TPST2: variants seen among roughly 807,000 people sequenced by gnomAD.
The protein encoded by TPST2 is tyrosylprotein sulfotransferase 2.
Under a neutral mutation model 27.8 loss-of-function variants are expected in TPST2, and 16 were observed. The observed-to-expected ratio is 0.58, with a 90% CI of 0.39 to 0.88. TPST2 has a LOEUF of 0.88. Among genes scored for constraint, TPST2 ranks in the 40% least tolerant of loss-of-function variants. TPST2 has a pLI of 0.00. For synonymous variants in TPST2, 229 were observed against 231.7 expected (o/e 0.99, Z 0.10); for missense variants, 464 against 543.1 (o/e 0.85, Z 1.45).
At chr22:26,572,789 CTTCTTT>C (rs1569194964) in intron 1 of TPST2, among the ~76,000 whole-genome samples, 3 of 151,994 alleles carry the variant, frequency 2.0e-5, no homozygotes, top group Admixed American at 1.3e-4. Flanking sequence ...TTTTCTTCTT[CTTCTTT>C]TTCTTTTTTT....
At chr22:26,580,467 A>G (rs1357037158) in intron 1 of TPST2, among the ~76,000 whole-genome samples, 2 of 152,150 alleles carry the variant, frequency 1.3e-5, no homozygotes, top group Non-Finnish European at 2.9e-5. Flanking sequence ...AGCCCCCTCC[A>G]GCCCTCTCAC....
rs1569173628 is a variant in TPST2 at position 26,524,897 on chromosome 22, G to GTA, written c.*1376_*1377dup. ...TATCCTCCCAAGTAGGGGTGTCTTT[G>GTA]TATACCTCAGGCCTTGGGCCATACC... On this transcript the variant is annotated 3_prime_UTR_variant, in exon 7 of 7. Transcript: ENST00000338754. The GTA allele has an allele frequency of 6.6e-6, 1 of 152,186 alleles. No individual in the cohort carries two copies. Among genetic ancestry groups the GTA allele is most frequent in the South Asian group, 2.1e-4 (1 of 4,830 alleles). The allele number at this position is 152,186 out of a possible 1,614,324, so 9.4% of individuals were successfully genotyped here.
At chr22:26,555,151 G>A (rs1189501766) in intron 1 of TPST2, 1 of 532,312 alleles carries the variant, frequency 1.9e-6, no homozygotes, top group Non-Finnish European at 3.8e-6. Flanking sequence ...GGAGCTGAGG[G>A]AATTTGCATT....
rs1361184076 is a variant in TPST2, at chr22:26,523,294, A to G, written c.*2981T>C. The G allele has an allele frequency of 1.3e-5, 2 of 152,236 alleles. No homozygotes were observed. Among genetic ancestry groups the G allele is most frequent in the Admixed American group, 6.5e-5 (1 of 15,282 alleles). 9.4% of individuals were successfully genotyped at this position (152,236 alleles called of 1,614,324 possible). A position where few individuals can be genotyped will look rare whatever the true frequency, so the allele number is the denominator to read the frequency against. On this transcript the variant is annotated 3_prime_UTR_variant, in exon 7 of 7. Transcript: ENST00000338754. ...ATACGTCTTTAAGATGATAATATTTATATGTTCAAAAATTTAAAGTCTGGA... is the reference window on the plus strand; with the variant it reads ...ATACGTCTTTAAGATGATAATATTTGTATGTTCAAAAATTTAAAGTCTGGA...
intron 5 of TPST2, among the ~76,000 whole-genome samples, chr22:26,531,486 A>C (rs1925160336): frequency 6.6e-6 from 1 of 152,244 alleles, no homozygotes; most frequent in African/African-American, 2.4e-5. Context: ...AAAAGTGCAT[A>C]CGCACTCCAG....
chr22:26,573,900 G>A (rs1056785037), intron 1 of TPST2, among the ~76,000 whole-genome samples: 6 of 152,214 alleles, frequency 3.9e-5, no homozygotes, highest in East Asian at 1.9e-4. Flanking sequence ...TATCTTCTTC[G>A]TTTTCACTCA....
intron 1 of TPST2, chr22:26,560,670 TG>T (rs1254348336): frequency 1.3e-5 from 15 of 1,178,898 alleles, no homozygotes; most frequent in Admixed American, 8.4e-5. Flanking sequence ...CTCAGAGAGG[TG>T]GAAGACCATG....
intron 1 of TPST2, among the ~76,000 whole-genome samples, chr22:26,578,352 C>T (rs1383387516): frequency 2.0e-5 from 3 of 152,124 alleles, no homozygotes; most frequent in Admixed American, 6.6e-5. Flanking sequence ...GCAGGAACAG[C>T]GCTTAGGAAC....
chr22:26,566,569 C>A (rs574320682), intron 1 of TPST2, among the ~76,000 whole-genome samples: 11 of 150,610 alleles, frequency 7.3e-5, no homozygotes, highest in African/African-American at 1.5e-4. Context: ...AAGAAAAAGA[C>A]AAAGAAAAAG....
rs11435024 is a variant in TPST2, at chr22:26,584,692, C to CA, written c.-161+5360dup. ...AACAAACAAACAAAAAAACCCAAAA[C>CA]AAAAAAAAAAGAAAGATTCTGGATC... On this transcript the variant is annotated intron_variant, in intron 1 of 6. Coordinates refer to ENST00000338754, the MANE Select transcript of TPST2 (RefSeq NM_003595.5). Among the ~76,000 whole-genome samples the CA allele has an allele frequency of 1.1e-3, 162 of 147,460 alleles. 1 individual carries two copies. Among genetic ancestry groups the CA allele is most frequent in the African/African-American group, 3.4e-3 (137 of 40,252 alleles).
intron 1 of TPST2, among the ~76,000 whole-genome samples, chr22:26,555,684 G>C (rs575653643): frequency 6.6e-6 from 1 of 152,354 alleles, no homozygotes; most frequent in African/African-American, 2.4e-5. Context: ...AGACAGACTG[G>C]GGTGTGCAGG....
At chr22:26,555,191 T>C in intron 1 of TPST2, 2 of 533,796 alleles carry the variant, frequency 3.7e-6, no homozygotes, top group South Asian at 2.8e-5. Context: ...GCTCCCTCTC[T>C]GTGAAACACC....
intron 3 of TPST2, among the ~76,000 whole-genome samples, chr22:26,538,408 T>C (rs1925599724): frequency 6.6e-6 from 1 of 152,170 alleles, no homozygotes; most frequent in Non-Finnish European, 1.5e-5. Flanking sequence ...TCCCAGAACA[T>C]GAATGAGGGC....
intron 1 of TPST2, among the ~76,000 whole-genome samples, chr22:26,577,631 G>T (rs376453310): frequency 5.3e-5 from 8 of 150,088 alleles, no homozygotes; most frequent in South Asian, 2.1e-4. Context: ...TTACAGGTGT[G>T]AGCCACTGCA....
At chr22:26,562,107 G>C (rs1028259324) in intron 1 of TPST2, among the ~76,000 whole-genome samples, 3 of 152,230 alleles carry the variant, frequency 2.0e-5, no homozygotes, top group Non-Finnish European at 4.4e-5. Context: ...CAGATACAAA[G>C]ACCAGGAGGC....
chr22:26,545,980 G>T (rs973716208), intron 1 of TPST2, among the ~76,000 whole-genome samples: 1 of 151,264 alleles, frequency 6.6e-6, no homozygotes, highest in Non-Finnish European at 1.5e-5. Context: ...GGGAGGCTTA[G>T]ATGGGAGGAT....
chr22:26,581,314 C>T (rs1193706134), intron 1 of TPST2, among the ~76,000 whole-genome samples: 1 of 152,170 alleles, frequency 6.6e-6, no homozygotes, highest in Non-Finnish European at 1.5e-5. Flanking sequence ...TGCTTCCCTG[C>T]CAACCCCATG....
Position 26,541,943 on chromosome 22 carries a change from A to T in TPST2, c.-88-225T>A, listed in dbSNP as rs1925871432. Among the ~76,000 whole-genome samples, 5 of 152,074 alleles carry T rather than the reference A, an allele frequency of 3.3e-5. No individual in the cohort carries two copies. The highest frequency in any genetic ancestry group is 1.2e-4 in the African/African-American group (5 of 41,508). ...CACCATGTTTCCCAGGCTGCTCTTG[A>T]ACTCGTGGGCCTGGGTGATCCTCCT... is the stretch of plus-strand genomic sequence containing the variant. On this transcript the variant is annotated intron_variant, in intron 2 of 6. Coordinates refer to ENST00000338754, the MANE Select transcript of TPST2 (RefSeq NM_003595.5). The surrounding 1 kb of genome is among the most constrained non-coding windows in gnomAD (Gnocchi z 5.9).
In TPST2 at chr22:26,530,631, C is replaced by CAAAAAA. The variant is rs34776057; in HGVS notation, c.1092+2058_1092+2063dup. ...TGGGTGACACAGTGAAACCCCATCT[C>CAAAAAA]AAAAAAAAAAAGGAATCAGCAGGAG... On this transcript the variant is annotated intron_variant, in intron 5 of 6. Coordinates refer to ENST00000338754, the MANE Select transcript of TPST2 (RefSeq NM_003595.5). Among the ~76,000 whole-genome samples, 40 of 118,304 alleles carry CAAAAAA rather than the reference C, an allele frequency of 3.4e-4. 5 individuals are homozygous for CAAAAAA. The highest frequency in any genetic ancestry group is 4.5e-4 in the Non-Finnish European group (26 of 58,240). 77.6% of individuals were successfully genotyped at this position (118,304 alleles called of 152,430 possible).
Sources: allele counts gnomAD v4.1 joint callset (sites outside exome capture counted in the v4.1 genomes callset), GRCh38; gene constraint gnomAD v4.1.1; non-coding constraint Gnocchi (gnomAD v3.1); transcripts MANE v1.5; gene names NCBI Gene and HGNC (gene_info 2026-07-23, HGNC 2026-07-21).